Variants in DNAH14 observed in about 807,000 individuals in gnomAD.
DNAH14 encodes dynein axonemal heavy chain 14.
DNAH14 carries 478 observed loss-of-function variants against 520.9 expected under a neutral mutation model. That is an observed-to-expected ratio of 0.92 (90% CI 0.85 to 0.99). The LOEUF (loss-of-function observed/expected upper bound fraction) is 0.99, where lower values mean the gene tolerates loss of function less well. Ranked by LOEUF, DNAH14 falls within the 50% of genes least tolerant of loss-of-function variation. The pLI is 0.00. For missense variants in DNAH14, 4,831 were observed against 5,234.5 expected, an observed-to-expected ratio of 0.92 and a Z score of 2.38; for synonymous variants, 1,581 against 1,757.2, an observed-to-expected ratio of 0.90 and a Z score of 2.51.
intron 8 of DNAH14, among the ~76,000 whole-genome samples, chr1:224,994,109 C>G (rs1287763280): frequency 5.9e-5 from 9 of 152,010 alleles, no homozygotes; most frequent in African/African-American, 1.9e-4. Flanking sequence ...CATGTGATCT[C>G]TCCTGGAGGG....
chr1:225,232,341 T>G lies in DNAH14; in HGVS notation c.6518+1190T>G, dbSNP rs1338368389. ...TTTATCGATTGGTAAACATTTAGAT[T>G]TTCAATTTTGTTATTAACAATAGTA... On this transcript the variant is annotated intron_variant, in intron 42 of 85. Coordinates refer to ENST00000682510, the MANE Select transcript of DNAH14 (RefSeq NM_001367479.1). The surrounding 1 kb of genome is among the most constrained non-coding windows in gnomAD (Gnocchi z 4.2). Among the ~76,000 whole-genome samples, 1 of 152,044 alleles carries G rather than the reference T, an allele frequency of 6.6e-6. No individual in the cohort carries two copies. The highest frequency in any genetic ancestry group is 1.5e-5 in the Non-Finnish European group (1 of 67,988).
intron 60 of DNAH14, 92 bp from the exon 61 acceptor site, chr1:225,318,491 C>T: frequency 3.6e-6 from 4 of 1,122,004 alleles, no homozygotes; most frequent in Admixed American, 5.6e-5. Flanking sequence ...GTAAAAATAT[C>T]AAATTATATT....
At chr1:225,206,222 G>A in intron 40 of DNAH14, 43 bp downstream of exon 40, 1 of 1,444,702 alleles carries the variant, frequency 6.9e-7, no homozygotes, top group South Asian at 1.3e-5. Context: ...CAAAAATGTT[G>A]TTTATGATAG....
chr1:225,132,379 C>T (rs2078511491), intron 27 of DNAH14, among the ~76,000 whole-genome samples: 1 of 150,926 alleles, frequency 6.6e-6, no homozygotes, highest in South Asian at 2.1e-4. Flanking sequence ...CCACAACAGG[C>T]CCCAATGTGT....
intron 46 of DNAH14, among the ~76,000 whole-genome samples, chr1:225,259,698 C>G (rs531369240): frequency 6.6e-6 from 1 of 152,128 alleles, no homozygotes; most frequent in Admixed American, 6.6e-5. Flanking sequence ...ACCCTTTGAC[C>G]AACATCTCCC....
chr1:225,172,916 G>T (rs961967326), intron 36 of DNAH14, among the ~76,000 whole-genome samples: 1 of 152,118 alleles, frequency 6.6e-6, no homozygotes, highest in African/African-American at 2.4e-5. Flanking sequence ...CCAAGATATA[G>T]ACCAATGGAA....
intron 17 of DNAH14, among the ~76,000 whole-genome samples, chr1:225,054,384 C>G (rs1023391923): frequency 1.3e-5 from 2 of 152,026 alleles, no homozygotes; most frequent in African/African-American, 4.8e-5. Flanking sequence ...CCAGAAAAGT[C>G]TTGGGTATTG....
chr1:225,338,291 A>T, intron 68 of DNAH14, 109 bp downstream of exon 68: 2 of 1,320,576 alleles, frequency 1.5e-6, no homozygotes, highest in South Asian at 2.5e-5. Flanking sequence ...GGAAAAAGTA[A>T]GATTGTCTTT....
chr1:224,940,497 G>T (rs1026769040), intron 1 of DNAH14, among the ~76,000 whole-genome samples: 2 of 151,894 alleles, frequency 1.3e-5, no homozygotes, highest in African/African-American at 4.8e-5. Flanking sequence ...TTAGAGTGAG[G>T]TTTAATAAAT....
chr1:225,159,628 T>G, intron 35 of DNAH14, 143 bp downstream of exon 35: 1 of 910,556 alleles, frequency 1.1e-6, no homozygotes, highest in Non-Finnish European at 1.6e-6. Context: ...CTTGGAGATA[T>G]ATAGTGCCCC....
At position 225,346,322 on chromosome 1, in the gene DNAH14, A is replaced by T; in HGVS notation, c.11039A>T (p.Asn3680Ile). The change falls in exon 70 of 86, where the codon AAT (asparagine) becomes ATT (isoleucine). Residue 3680 changes from asparagine to isoleucine, a missense_variant. Physicochemically the swap from Asn to Ile is moderately radical, Grantham distance 149 (BLOSUM62 -3). Transcript: ENST00000682510. The stretch of plus-strand genomic sequence containing the variant: ...GAACCCAACCTGGAAAATGAGAAAA[A>T]TCTCTTAGATAAGCATATTAAAAGT... Reference protein sequence around the residue: ...SKEPNLENEKNLLDKHIKSAI... With the variant: ...SKEPNLENEKILLDKHIKSAI... 6.5e-7 allele frequency: 1 copy of T among 1,541,340 alleles called. No individual in the cohort carries two copies. The highest frequency in any genetic ancestry group is 8.7e-7 in the Non-Finnish European group (1 of 1,144,452).
intron 17 of DNAH14, among the ~76,000 whole-genome samples, chr1:225,059,952 C>G (rs1163191819): frequency 6.6e-6 from 1 of 152,084 alleles, no homozygotes; most frequent in African/African-American, 2.4e-5. Context: ...CTCTGGCTGC[C>G]CTTAACATTT....
chr1:225,246,946 A>G (rs1386381074), intron 43 of DNAH14, among the ~76,000 whole-genome samples: 2 of 152,242 alleles, frequency 1.3e-5, no homozygotes, highest in African/African-American at 4.8e-5. Flanking sequence ...TTGCAACACT[A>G]TTCACAATAG....
chr1:225,175,445 G>C lies in DNAH14; in HGVS notation c.5535+7417G>C, dbSNP rs562282065. Among the ~76,000 whole-genome samples the C allele has an allele frequency of 1.4e-4, 21 of 152,098 alleles. No homozygotes were observed. In the East Asian group the frequency reaches 4.0e-3, roughly 29 times the overall value. On this transcript the variant is annotated intron_variant, in intron 36 of 85. Transcript: ENST00000682510. Reference sequence around the variant, plus strand: ...TGTTGGCATATAGTTGTTCATAGTAGTCTTTTATGATCCTTTATATTTCTG... The same window carrying C: ...TGTTGGCATATAGTTGTTCATAGTACTCTTTTATGATCCTTTATATTTCTG...
chr1:225,216,327 T>C (rs1235262731), intron 41 of DNAH14, among the ~76,000 whole-genome samples: 5 of 152,304 alleles, frequency 3.3e-5, no homozygotes, highest in African/African-American at 1.2e-4. Context: ...CTGCCCTTAA[T>C]GTTTTTTCCT....
In DNAH14 at chr1:225,023,782, T is replaced by G. The variant is rs1158880266; in HGVS notation, c.1275T>G (p.Thr425=). The G allele has an allele frequency of 1.9e-6, 3 of 1,550,642 alleles. No homozygotes were observed. Among genetic ancestry groups the G allele is most frequent in the Non-Finnish European group, 2.6e-6 (3 of 1,146,414 alleles). Reference sequence around the variant, plus strand: ...AACTCATTCGTCAACTTATGAACACTGCAGTCACACTACTTTTGGAATTAT... The same window carrying G: ...AACTCATTCGTCAACTTATGAACACGGCAGTCACACTACTTTTGGAATTAT... The part of the protein sequence containing the change: ...FQELIRQLMN[T]AVTLLLELFN... Residue 425 remains threonine (T), a synonymous_variant, in exon 11 of 86, where the codon ACT becomes ACG. Transcript: ENST00000682510.
intron 27 of DNAH14, among the ~76,000 whole-genome samples, chr1:225,139,250 G>GT (rs1376663381): frequency 1.2e-4 from 19 of 152,314 alleles, no homozygotes; most frequent in Admixed American, 1.2e-3. Flanking sequence ...CACTTCTGTA[G>GT]TTTAACAGGA....
intron 22 of DNAH14, among the ~76,000 whole-genome samples, chr1:225,098,570 A>G (rs115035525): frequency 6.6e-6 from 1 of 152,258 alleles, no homozygotes; most frequent in Non-Finnish European, 1.5e-5. Context: ...GGAACTGTTT[A>G]AATTTAAGTA....
At chr1:225,362,980 G>A (rs1410159189) in intron 75 of DNAH14, among the ~76,000 whole-genome samples, 1 of 152,092 alleles carries the variant, frequency 6.6e-6, no homozygotes, top group African/African-American at 2.4e-5. Context: ...TGGGATTACA[G>A]GCCATATTTG....
Sources: gnomAD v4.1 joint callset for allele counts (sites outside exome capture counted in the v4.1 genomes callset) on GRCh38, gnomAD v4.1.1 for gene constraint, Gnocchi (gnomAD v3.1) non-coding constraint, MANE v1.5 for transcripts, NCBI Gene and HGNC (gene_info 2026-07-23, HGNC 2026-07-21) for gene names.